The following SF3B3 variants were observed in gnomAD, a reference collection of about 807,000 sequenced individuals.
The protein encoded by SF3B3 is splicing factor 3b subunit 3, also known as SAP 130.
A neutral mutation model predicts 139.2 loss-of-function variants in SF3B3; 33 were observed. The ratio of observed to expected loss-of-function variants is 0.24; its 90% confidence interval spans 0.18 to 0.32. SF3B3 has a LOEUF of 0.32. SF3B3 is among the 10% of genes least tolerant of loss of function. SF3B3 has a pLI of 1.00. For missense variants in SF3B3, 818 were observed against 1,509.4 expected (o/e 0.54, Z 7.59); for synonymous variants, 596 against 563.6 (o/e 1.06, Z -0.81).
chr16:70,555,397 T>A (rs553049066), intron 13 of SF3B3, among the ~76,000 whole-genome samples, 191 bp downstream of exon 13: 1 of 149,666 alleles, frequency 6.7e-6, no homozygotes, highest in Non-Finnish European at 1.5e-5. Flanking sequence ...GAGAATTGCT[T>A]GAACCCGGGA....
chr16:70,571,376 A>G (rs1036101028), intron 25 of SF3B3, among the ~76,000 whole-genome samples, 177 bp downstream of exon 25: 5 of 152,188 alleles, frequency 3.3e-5, no homozygotes, highest in East Asian at 3.8e-4. Context: ...AACTTAAGAT[A>G]GTGTTCCTGG....
intron 12 of SF3B3, 125 bp downstream of exon 12, chr16:70,554,722 A>G (rs1392555682): frequency 5.1e-6 from 5 of 973,186 alleles, no homozygotes; most frequent in Admixed American, 2.6e-5. Context: ...GGTAGGGAAC[A>G]TATGATTTGG....
chr16:70,526,532 A>G (rs1426188706), intron 1 of SF3B3, 55 bp from the exon 2 acceptor site: 1 of 648,430 alleles, frequency 1.5e-6, no homozygotes, highest in Non-Finnish European at 2.7e-6. Context: ...CCCATACAGA[A>G]ATGTCTGTTG....
chr16:70,577,343 CTG>C lies in SF3B3; in HGVS notation c.*5533_*5534del, dbSNP rs2050589723. 6.6e-6 allele frequency: 1 copy of C among 152,290 alleles called. No homozygotes were observed. Among genetic ancestry groups the C allele is most frequent in the Admixed American group, 6.5e-5 (1 of 15,280 alleles). 9.4% of individuals were successfully genotyped at this position (152,290 alleles called of 1,614,324 possible). Reference sequence around the variant, plus strand: ...AGGGCACCGTGCGGTGTTCAGGCTTCTGTGAGGCCCCAGTGAGATCCTGTGGC... The same window carrying C: ...AGGGCACCGTGCGGTGTTCAGGCTTCTGAGGCCCCAGTGAGATCCTGTGGC... On this transcript the variant is annotated 3_prime_UTR_variant, in exon 26 of 26. Coordinates refer to ENST00000302516, the MANE Select transcript of SF3B3 (RefSeq NM_012426.5).
intron 1 of SF3B3, among the ~76,000 whole-genome samples, chr16:70,525,859 C>G (rs1020596037): frequency 2.1e-4 from 32 of 149,800 alleles, no homozygotes; most frequent in African/African-American, 7.6e-4. Context: ...TACTCGGGAG[C>G]CTGAGGCAGG....
In SF3B3 at chr16:70,570,003, C is replaced by A. The variant is rs201315596; in HGVS notation, c.3265-3C>A. 543 of 1,613,968 alleles carry A rather than the reference C, an allele frequency of 3.4e-4. 8 individuals are homozygous for A. The South Asian group carries it at 5.6e-3, about 17-fold the overall frequency. Reference sequence around the variant, plus strand: ...CAGTCACTAGTCTGTTTGTGACTCACAGGCAGAGGTGATCATGAACTACCA... The same window carrying A: ...CAGTCACTAGTCTGTTTGTGACTCAAAGGCAGAGGTGATCATGAACTACCA... On this transcript the variant is annotated splice_region_variant and splice_polypyrimidine_tract_variant and intron_variant, in intron 23 of 25. Transcript: ENST00000302516.
rs1324610647 is a variant in SF3B3 at position 70,571,783 on chromosome 16, C to T, written c.3624C>T (p.Leu1208=). The part of the protein sequence containing the change: ...DRTPPEVSKK[L]EDIRTRYAF The stretch of plus-strand genomic sequence containing the variant: ...CCCCACCCGAAGTGTCCAAGAAACT[C>T]GAGGATATCCGGACCCGCTACGCCT... The change falls in exon 26 of 26, where the codon CTC becomes CTT. Residue 1208 remains leucine (L), a synonymous_variant. Coordinates refer to ENST00000302516, the MANE Select transcript of SF3B3 (RefSeq NM_012426.5). 6.2e-6 allele frequency: 10 copies of T among 1,613,872 alleles called. No individual in the cohort carries two copies. Among genetic ancestry groups the T allele is most frequent in the South Asian group, 2.2e-5 (2 of 91,060 alleles).
At chr16:70,565,030 C>T (rs1468756216) in intron 18 of SF3B3, 35 bp from the exon 19 acceptor site, 6 of 1,603,926 alleles carry the variant, frequency 3.7e-6, no homozygotes, top group Non-Finnish European at 5.1e-6. Context: ...TACCTCTGAG[C>T]ACGCCAACTC....
chr16:70,572,113 C>G lies in SF3B3; in HGVS notation c.*300C>G, dbSNP rs552777946. ...ATCCCTGCATTGATATGTCTTGACT[C>G]TCCTGTCTACTTTTGCACACACCCT... On this transcript the variant is annotated 3_prime_UTR_variant, in exon 26 of 26. Coordinates refer to ENST00000302516, the MANE Select transcript of SF3B3 (RefSeq NM_012426.5). 1.8e-6 allele frequency: 1 copy of G among 566,048 alleles called. No individual in the cohort carries two copies. Among genetic ancestry groups the G allele is most frequent in the South Asian group, 1.5e-5 (1 of 65,528 alleles). 35.1% of individuals were successfully genotyped at this position (566,048 alleles called of 1,614,324 possible).
At chr16:70,535,935 CA>C (rs1379716390) in intron 6 of SF3B3, among the ~76,000 whole-genome samples, 7 of 152,116 alleles carry the variant, frequency 4.6e-5, no homozygotes. Context: ...AAAGAAGTTA[CA>C]GGCATTATGA....
chr16:70,557,914 T>G (rs545393577), intron 15 of SF3B3, among the ~76,000 whole-genome samples: 48 of 152,228 alleles, frequency 3.2e-4, no homozygotes, highest in Non-Finnish European at 5.9e-4. Flanking sequence ...CAATAGTTCC[T>G]TATTACCATG....
chr16:70,537,978 G>T, intron 6 of SF3B3: 1 of 528,880 alleles, frequency 1.9e-6, no homozygotes, highest in East Asian at 5.2e-5. Context: ...ATGTAGAACA[G>T]GGTAATTTGG....
At chr16:70,571,342 T>G in intron 25 of SF3B3, 143 bp downstream of exon 25, 1 of 644,720 alleles carries the variant, frequency 1.6e-6, no homozygotes, top group East Asian at 2.7e-5. Flanking sequence ...CTTCTGCCAA[T>G]CTGAACTCTG....
chr16:70,571,722 A>G lies in SF3B3; in HGVS notation c.3563A>G (p.Asn1188Ser), dbSNP rs760188420. ...GAGCAGTTCAATTCCATGGAACCCA[A>G]CAAACAAAAGAACGTCTCTGAAGAA... Reference protein sequence around the residue: ...LCEQFNSMEPNKQKNVSEELD... With the variant: ...LCEQFNSMEPSKQKNVSEELD... The change falls in exon 26 of 26, where the codon AAC (asparagine) becomes AGC (serine). Residue 1188 changes from asparagine (N) to serine (S), a missense_variant. Physicochemically the swap from Asn to Ser is conservative, Grantham distance 46. Coordinates refer to ENST00000302516, the MANE Select transcript of SF3B3 (RefSeq NM_012426.5). 2.5e-6 allele frequency: 4 copies of G among 1,614,060 alleles called. No homozygotes were observed. Among genetic ancestry groups the G allele is most frequent in the African/African-American group, 1.3e-5 (1 of 74,910 alleles).
intron 8 of SF3B3, 49 bp from the exon 9 acceptor site, chr16:70,541,620 C>T (rs752354846): frequency 6.8e-7 from 1 of 1,479,746 alleles, no homozygotes; most frequent in South Asian, 1.2e-5. Context: ...ACATTATCGT[C>T]AGGCAGAGAA....
Position 70,530,628 on chromosome 16 carries a change from T to C in SF3B3, c.398-117T>C, listed in dbSNP as rs766780007. The C allele has an allele frequency of 1.8e-5, 16 of 884,088 alleles. 1 individual carries two copies. In the South Asian group the frequency reaches 2.2e-4, roughly 12 times the overall value. 54.8% of individuals were successfully genotyped at this position (884,088 alleles called of 1,614,324 possible). On this transcript the variant is annotated intron_variant, in intron 3 of 25. Coordinates refer to ENST00000302516, the MANE Select transcript of SF3B3 (RefSeq NM_012426.5). ...ACAGAATCCTGAGTTTTTATACTTG[T>C]AGAGTTACTGCTGTTAATAATGATT...
intron 25 of SF3B3, 72 bp from the exon 26 acceptor site, chr16:70,571,601 G>A: frequency 6.7e-7 from 1 of 1,500,720 alleles, no homozygotes; most frequent in Non-Finnish European, 9.0e-7. Context: ...CCCTACAAGT[G>A]CTGCTTTAGC....
At chr16:70,553,141 C>G (rs2151787943) in intron 11 of SF3B3, among the ~76,000 whole-genome samples, 2 of 152,258 alleles carry the variant, frequency 1.3e-5, no homozygotes, top group Middle Eastern at 6.8e-3. Flanking sequence ...AGGCTGGTTT[C>G]TAACTCCTGA....
Position 70,535,673 on chromosome 16 carries a change from T to C in SF3B3, c.825+253T>C, listed in dbSNP as rs573194614. 3.7e-4 allele frequency among the ~76,000 whole-genome samples: 56 copies of C among 152,234 alleles called. 1 individual carries two copies. Among genetic ancestry groups the C allele is most frequent in the African/African-American group, 1.3e-3 (52 of 41,570 alleles). On this transcript the variant is annotated intron_variant, in intron 6 of 25. Transcript: ENST00000302516. ...AGAGGAACCTGTGGACAATTATTAA[T>C]TTGAAATTCCTGAATGTTTCTAGTT...
Sources: gnomAD v4.1 joint callset for allele counts (sites outside exome capture counted in the v4.1 genomes callset) on GRCh38, gnomAD v4.1.1 for gene constraint, MANE v1.5 for transcripts, NCBI Gene and HGNC (gene_info 2026-07-23, HGNC 2026-07-21) for gene names.